HDAC5: variants seen among roughly 807,000 people sequenced by gnomAD.
HDAC5 encodes the protein antigen NY-CO-9.
HDAC5 carries 25 observed loss-of-function variants against 133.3 expected under a neutral mutation model. That is an observed-to-expected ratio of 0.19 (90% CI 0.14 to 0.26). The LOEUF (loss-of-function observed/expected upper bound fraction) is 0.26. Among genes scored for constraint, HDAC5 ranks in the 10% least tolerant of loss-of-function variants. HDAC5 has a pLI of 1.00. For missense variants in HDAC5, 1,041 were observed against 1,460.5 expected, an observed-to-expected ratio of 0.71 and a Z score of 4.68; for synonymous variants, 589 against 610.8, an observed-to-expected ratio of 0.96 and a Z score of 0.53.
In HDAC5 at chr17:44,123,625, C is replaced by T. The variant is rs1291094406; in HGVS notation, c.-311G>A. 6 of 396,672 alleles carry T rather than the reference C, an allele frequency of 1.5e-5. No homozygotes were observed. Among genetic ancestry groups the T allele is most frequent in the African/African-American group, 1.2e-4 (6 of 48,462 alleles). The allele number at this position is 396,672 out of a possible 1,614,324, so 24.6% of individuals were successfully genotyped here. A position where few individuals can be genotyped will look rare whatever the true frequency, so the allele number is the denominator to read the frequency against. On this transcript the variant is annotated 5_prime_UTR_variant, in exon 1 of 27. Coordinates refer to ENST00000682912, the MANE Select transcript of HDAC5 (RefSeq NM_005474.5). ...GCGGCTCCTCCGGCTCCGCTCGCCG[C>T]CGCCACCAACAACAACATTCGGAGA...
At chr17:44,104,084 C>T (rs983766603) in intron 3 of HDAC5, among the ~76,000 whole-genome samples, 1 of 151,546 alleles carries the variant, frequency 6.6e-6, no homozygotes, top group Admixed American at 6.6e-5. Context: ...ACTTTGGGAC[C>T]CCGAGGTGGG....
In HDAC5 at chr17:44,088,381, G is replaced by T. The variant is rs758776123; in HGVS notation, c.1599+6C>A. On this transcript the variant is annotated splice_donor_region_variant and intron_variant, in intron 12 of 26. Transcript: ENST00000682912. ...AGCCCCAGGCCATTCACCTTTCCAG[G>T]CTCACCTTGCCCAGCTGTAGCTGCT... 3.2e-6 allele frequency: 5 copies of T among 1,548,166 alleles called. No homozygotes were observed. The South Asian group carries it at 5.9e-5, about 18-fold the overall frequency.
At position 44,087,612 on chromosome 17, in the gene HDAC5, C is replaced by A. The variant is rs752449816; in HGVS notation, c.1684G>T (p.Val562Phe). The change falls in exon 13 of 27, where the codon GTC becomes TTC. Residue 562 changes from valine (V) to phenylalanine (F), a missense_variant. This residue lies in a region of HDAC5 where 433 missense variants were observed against 531.6 expected (regional missense o/e 0.81). Transcript: ENST00000682912. ...TEEELTEQQE[V>F]LLGEGALTMP... ...GTCAGGGCTCCCTCCCCCAGCAAGA[C>A]CTCCTGCTGCTCCGTCAGCTCCTCC... The A allele has an allele frequency of 1.2e-6, 2 of 1,613,988 alleles. No homozygotes were observed. The highest frequency in any genetic ancestry group is 2.2e-5 in the East Asian group (1 of 44,876).
chr17:44,102,834 T>C lies in HDAC5; in HGVS notation c.94+7895A>G, dbSNP rs564593002. On this transcript the variant is annotated intron_variant, in intron 3 of 26. Coordinates refer to ENST00000682912, the MANE Select transcript of HDAC5 (RefSeq NM_005474.5). ...GGCACATGCCACCACACCTGGCTAA[T>C]CATTTGTATTCTTAGTAGAGACAGG... 1.2e-4 allele frequency among the ~76,000 whole-genome samples: 19 copies of C among 152,084 alleles called. No homozygotes were observed. The East Asian group carries it at 3.7e-3, about 29-fold the overall frequency.
chr17:44,092,554 A>C (rs189544134), intron 7 of HDAC5, 27 bp from the exon 8 acceptor site: 9 of 1,606,710 alleles, frequency 5.6e-6, no homozygotes, highest in Non-Finnish European at 6.8e-6. Flanking sequence ...CGAGGTTCAG[A>C]TACGCGCACA....
At chr17:44,098,039 T>C (rs2051375900) in intron 3 of HDAC5, among the ~76,000 whole-genome samples, 1 of 152,244 alleles carries the variant, frequency 6.6e-6, no homozygotes, top group Non-Finnish European at 1.5e-5. Flanking sequence ...GAATATTAAT[T>C]TGCAGGACCT....
rs544279304 is a variant in HDAC5, at chr17:44,084,890, G to A, written c.2184+132C>T. On this transcript the variant is annotated intron_variant, in intron 15 of 26. Transcript: ENST00000682912. Reference sequence around the variant, plus strand: ...AACAGGCTGCAAGGGATGGAACGGGGTGGTGGGAGAACTGGCCCCGAAGTC... The same window carrying A: ...AACAGGCTGCAAGGGATGGAACGGGATGGTGGGAGAACTGGCCCCGAAGTC... 1.5e-5 allele frequency: 20 copies of A among 1,320,578 alleles called. No homozygotes were observed. In the Middle Eastern group the frequency reaches 1.1e-3, roughly 71 times the overall value. The allele number at this position is 1,320,578 out of a possible 1,614,324, so 81.8% of individuals were successfully genotyped here.
chr17:44,103,492 C>T (rs1036071786), intron 3 of HDAC5, among the ~76,000 whole-genome samples: 9 of 152,174 alleles, frequency 5.9e-5, no homozygotes, highest in Non-Finnish European at 1.2e-4. Context: ...CACCACCCTG[C>T]GCTCCATGCA....
At chr17:44,121,641 C>T (rs982267960) in intron 1 of HDAC5, among the ~76,000 whole-genome samples, 13 of 151,908 alleles carry the variant, frequency 8.6e-5, no homozygotes, top group African/African-American at 3.1e-4. Flanking sequence ...AAATGACCCC[C>T]GCCCAACATT....
rs747633039 is a variant in HDAC5, at chr17:44,086,769, A to C, written c.1885-32T>G. The C allele has an allele frequency of 7.0e-6, 9 of 1,277,812 alleles. No homozygotes were observed. In the East Asian group the frequency reaches 2.0e-4, roughly 29 times the overall value. The allele number at this position is 1,277,812 out of a possible 1,614,324, so 79.2% of individuals were successfully genotyped here. A position where few individuals can be genotyped will look rare whatever the true frequency, so the allele number is the denominator to read the frequency against. On this transcript the variant is annotated intron_variant, in intron 13 of 26. Coordinates refer to ENST00000682912, the MANE Select transcript of HDAC5 (RefSeq NM_005474.5). Reference sequence around the variant, plus strand: ...GGGAGAATGGGAGGGGGCCTGGGTCAGACTCAGCCAGGACAGGGGTGAGGG... The same window carrying C: ...GGGAGAATGGGAGGGGGCCTGGGTCCGACTCAGCCAGGACAGGGGTGAGGG...
chr17:44,106,860 G>A (rs1031760014), intron 3 of HDAC5, among the ~76,000 whole-genome samples: 4 of 151,312 alleles, frequency 2.6e-5, no homozygotes, highest in African/African-American at 7.3e-5. Flanking sequence ...CACCGAGCCC[G>A]GCCAAAAGTA....
chr17:44,095,346 C>G (rs971532313), intron 3 of HDAC5, among the ~76,000 whole-genome samples: 2 of 152,156 alleles, frequency 1.3e-5, no homozygotes, highest in African/African-American at 4.8e-5. Context: ...CCATGCAAAG[C>G]CTCATACTAG....
At chr17:44,114,214 T>C (rs903720317) in intron 2 of HDAC5, among the ~76,000 whole-genome samples, 3 of 152,232 alleles carry the variant, frequency 2.0e-5, no homozygotes, top group Non-Finnish European at 4.4e-5. Context: ...CGCTCTGCAG[T>C]GAGCACAGAG....
rs762148270 is a variant in HDAC5, at chr17:44,092,761, G to A, written c.687C>T (p.Ser229=). ...AGGAGGGAGGCGTCCCAGGGGGGCCGCTCTGGGGAGGGGAACTCTGGTCCA... is the reference window on the plus strand; with the variant it reads ...AGGAGGGAGGCGTCCCAGGGGGGCCACTCTGGGGAGGGGAACTCTGGTCCA... ...ASLDQSSPPQ[S]GPPGTPPSYK... Residue 229 remains serine, a synonymous_variant, in exon 7 of 27, where the codon AGC becomes AGT. Transcript: ENST00000682912. 13 of 1,325,208 alleles carry A rather than the reference G, an allele frequency of 9.8e-6. No individual in the cohort carries two copies. The highest frequency in any genetic ancestry group is 5.4e-5 in the East Asian group (2 of 36,798). 82.1% of individuals were successfully genotyped at this position (1,325,208 alleles called of 1,614,324 possible).
intron 3 of HDAC5, among the ~76,000 whole-genome samples, chr17:44,102,051 G>A (rs142846310): frequency 8.6e-5 from 13 of 152,012 alleles, no homozygotes; most frequent in South Asian, 2.1e-4. Flanking sequence ...GGAGGCCCCC[G>A]AGGCTAGAAT....
chr17:44,081,666 C>T (rs1182127437), intron 20 of HDAC5: 1 of 151,178 alleles, frequency 6.6e-6, no homozygotes, highest in African/African-American at 2.4e-5. Flanking sequence ...GCAACCTCCA[C>T]TTCCCAGGTT....
intron 3 of HDAC5, among the ~76,000 whole-genome samples, chr17:44,106,414 G>A (rs228763): frequency 0.43 from 64,818 of 151,882 alleles, 16,095 homozygotes; most frequent in Middle Eastern, 0.65. Flanking sequence ...CTGTGGACGC[G>A]CACTGACAGG....
intron 3 of HDAC5, among the ~76,000 whole-genome samples, chr17:44,095,184 CTAT>C (rs1165479051): frequency 7.9e-5 from 12 of 152,134 alleles, no homozygotes; most frequent in African/African-American, 2.7e-4. Flanking sequence ...GACTTAGATG[CTAT>C]TATTACCCCA....
chr17:44,084,716 GCTCT>G (rs2050565923), intron 15 of HDAC5, 41 bp from the exon 16 acceptor site: 1 of 1,608,928 alleles, frequency 6.2e-7, no homozygotes, highest in Non-Finnish European at 8.5e-7. Context: ...CAAAGGCACA[GCTCT>G]CTCAGAGCCT....
Sources: allele counts gnomAD v4.1 joint callset (sites outside exome capture counted in the v4.1 genomes callset), GRCh38; gene constraint gnomAD v4.1.1; regional missense constraint gnomAD v4.1.1; transcripts MANE v1.5; gene names NCBI Gene and HGNC (gene_info 2026-07-23, HGNC 2026-07-21).